The following MDFIC2 variants were observed in gnomAD, a reference collection of about 807,000 sequenced individuals.
MDFIC2 encodes myoD family inhibitor domain-containing protein 2.
intron 2 of MDFIC2, among the ~76,000 whole-genome samples, chr3:70,299,320 C>T (rs552988470): frequency 1.8e-4 from 26 of 143,820 alleles, no homozygotes; most frequent in African/African-American, 3.4e-4. Context: ...TAAATTTGTG[C>T]GTTATTTGTA....
intron 2 of MDFIC2, among the ~76,000 whole-genome samples, chr3:70,244,734 T>C (rs1036169594): frequency 6.6e-6 from 1 of 152,218 alleles, no homozygotes; most frequent in East Asian, 1.9e-4. Context: ...TATGCTCTTA[T>C]GAATAAAATG....
intron 2 of MDFIC2, among the ~76,000 whole-genome samples, chr3:70,254,470 G>C (rs1291812390): frequency 6.6e-6 from 1 of 152,098 alleles, no homozygotes; most frequent in Non-Finnish European, 1.5e-5. Flanking sequence ...AAGAAAAATA[G>C]ACCTTCTTTT....
chr3:70,250,833 G>A (rs796501065), intron 2 of MDFIC2, among the ~76,000 whole-genome samples: 1 of 152,056 alleles, frequency 6.6e-6, no homozygotes, highest in Non-Finnish European at 1.5e-5. Flanking sequence ...GTTCTTTTCA[G>A]GGAAAGCCAG....
At chr3:70,295,904 T>G (rs976628924) in intron 2 of MDFIC2, among the ~76,000 whole-genome samples, 4 of 152,302 alleles carry the variant, frequency 2.6e-5, no homozygotes, top group East Asian at 3.9e-4. Context: ...TTTCCCATAC[T>G]TGCTCATTAT....
intron 2 of MDFIC2, among the ~76,000 whole-genome samples, chr3:70,261,748 T>G (rs552307883): frequency 2.0e-5 from 3 of 152,282 alleles, no homozygotes; most frequent in South Asian, 4.1e-4. Flanking sequence ...CCTGGGCATG[T>G]GCAGAGGAGG....
In MDFIC2 at chr3:70,195,310, T is replaced by G. The variant is rs138239297; in HGVS notation, c.*1616A>C. ...AGCAGAAAGACTTTTTCATGGAAGG[T>G]GTGGGGCACTTTCATGCTCCGTGGT... is the stretch of plus-strand genomic sequence containing the variant. On this transcript the variant is annotated 3_prime_UTR_variant, in exon 4 of 4. Coordinates refer to ENST00000567252, the MANE Select transcript of MDFIC2 (RefSeq NM_001364677.1). 8.2e-3 allele frequency among the ~76,000 whole-genome samples: 1,246 copies of G among 152,272 alleles called. 15 individuals carry two copies. Among genetic ancestry groups the G allele is most frequent in the African/African-American group, 0.028 (1,183 of 41,550 alleles).
chr3:70,226,336 C>T (rs989404243), intron 2 of MDFIC2, among the ~76,000 whole-genome samples: 4 of 152,130 alleles, frequency 2.6e-5, no homozygotes, highest in African/African-American at 9.7e-5. Context: ...AGACGTATAA[C>T]AGAGGCACAC....
intron 3 of MDFIC2, chr3:70,204,524 G>A (rs535453224): frequency 1.2e-4 from 18 of 152,200 alleles, no homozygotes; most frequent in Admixed American, 9.8e-4. Context: ...TTTTTCACAC[G>A]GGAGGAAAAG....
At position 70,232,820 on chromosome 3, in the gene MDFIC2, AG is replaced by A. The variant is rs1559541003; in HGVS notation, c.89-26031del. Reference sequence around the variant, plus strand: ...TTGGAGATTTTCTGTTTGTCTTCCCAGGGTGATTCTCTCCTTTGTACAGAAA... The same window carrying A: ...TTGGAGATTTTCTGTTTGTCTTCCCAGGTGATTCTCTCCTTTGTACAGAAA... On this transcript the variant is annotated intron_variant, in intron 2 of 3. Transcript: ENST00000567252. Among the ~76,000 whole-genome samples, 8 of 152,286 alleles carry A rather than the reference AG, an allele frequency of 5.3e-5. No individual in the cohort carries two copies. In the South Asian group the frequency reaches 1.7e-3, roughly 32 times the overall value.
chr3:70,247,653 G>A (rs1701720637), intron 2 of MDFIC2, among the ~76,000 whole-genome samples: 1 of 151,418 alleles, frequency 6.6e-6, no homozygotes, highest in South Asian at 2.1e-4. Flanking sequence ...ATAGCACAAG[G>A]TAACTATTTT....
At chr3:70,299,437 G>C (rs1479804014) in intron 2 of MDFIC2, among the ~76,000 whole-genome samples, 1 of 151,968 alleles carries the variant, frequency 6.6e-6, no homozygotes, top group Non-Finnish European at 1.5e-5. Context: ...CTAAAAAATA[G>C]ATAACTTACG....
chr3:70,260,583 T>G (rs1380916594), intron 2 of MDFIC2, among the ~76,000 whole-genome samples: 2 of 152,000 alleles, frequency 1.3e-5, no homozygotes, highest in Non-Finnish European at 2.9e-5. Context: ...TCTGCATATT[T>G]TATTTATTTA....
At chr3:70,306,588 T>G (rs1702403116) in intron 2 of MDFIC2, among the ~76,000 whole-genome samples, 1 of 152,126 alleles carries the variant, frequency 6.6e-6, no homozygotes, top group African/African-American at 2.4e-5. Flanking sequence ...CCCTATTTTT[T>G]TTATCATTTT....
intron 2 of MDFIC2, among the ~76,000 whole-genome samples, chr3:70,251,273 A>C (rs1250170964): frequency 6.6e-6 from 1 of 152,194 alleles, no homozygotes; most frequent in East Asian, 1.9e-4. Flanking sequence ...CTAATATCTG[A>C]GTTCTTAGAA....
At chr3:70,242,305 A>G (rs1176285828) in intron 2 of MDFIC2, among the ~76,000 whole-genome samples, 1 of 152,156 alleles carries the variant, frequency 6.6e-6, no homozygotes, top group East Asian at 1.9e-4. Context: ...GGTGGGAAAA[A>G]CACATAGTGA....
intron 2 of MDFIC2, among the ~76,000 whole-genome samples, chr3:70,277,263 G>C (rs903319943): frequency 2.0e-5 from 3 of 152,148 alleles, no homozygotes; most frequent in African/African-American, 4.8e-5. Context: ...GAAAGTGTTA[G>C]TATATCATTT....
chr3:70,246,822 T>G (rs780251903), intron 2 of MDFIC2, among the ~76,000 whole-genome samples: 1 of 152,076 alleles, frequency 6.6e-6, no homozygotes, highest in Non-Finnish European at 1.5e-5. Context: ...TAGACCTTTA[T>G]TTTTTGTCAC....
At chr3:70,253,790 T>G (rs544374003) in intron 2 of MDFIC2, among the ~76,000 whole-genome samples, 1 of 152,276 alleles carries the variant, frequency 6.6e-6, no homozygotes, top group African/African-American at 2.4e-5. Flanking sequence ...TGAACATAAA[T>G]ACTCAATAAG....
intron 2 of MDFIC2, among the ~76,000 whole-genome samples, chr3:70,211,878 C>T (rs1701354058): frequency 6.9e-6 from 1 of 145,332 alleles, no homozygotes; most frequent in Non-Finnish European, 1.5e-5. Context: ...CTTCCCTTCC[C>T]TTCTTCCCTT....
Sources: gnomAD v4.1 joint callset for allele counts (sites outside exome capture counted in the v4.1 genomes callset) on GRCh38, gnomAD v4.1.1 for gene constraint, MANE v1.5 for transcripts, NCBI Gene and HGNC (gene_info 2026-07-23, HGNC 2026-07-21) for gene names.